Variants in ZFAND3 observed in about 807,000 individuals in gnomAD.
ZFAND3 encodes the protein AN1-type zinc finger protein 3.
ZFAND3 carries 10 observed loss-of-function variants against 29.6 expected under a neutral mutation model. The observed-to-expected ratio is 0.34, with a 90% CI of 0.21 to 0.57. The LOEUF is 0.57. Ranked by LOEUF, ZFAND3 falls within the 20% of genes least tolerant of loss-of-function variation. ZFAND3 has a pLI of 0.86. For synonymous variants in ZFAND3, 128 were observed against 112.6 expected, an observed-to-expected ratio of 1.14 and a Z score of -0.87; for missense variants, 230 against 304.5, an observed-to-expected ratio of 0.76 and a Z score of 1.82.
At chr6:37,988,082 T>TA (rs949548109) in intron 2 of ZFAND3, among the ~76,000 whole-genome samples, 28 of 152,324 alleles carry the variant, frequency 1.8e-4, no homozygotes, top group African/African-American at 6.5e-4. Context: ...TTAAATTTTT[T>TA]AAAAAAAGTT....
intron 5 of ZFAND3, chr6:38,142,162 C>T: frequency 2.1e-6 from 1 of 470,806 alleles, no homozygotes; most frequent in South Asian, 1.5e-5. Flanking sequence ...AGGTCTCTCC[C>T]TACCCCAGTT....
At chr6:38,056,581 G>C (rs1284655963) in intron 2 of ZFAND3, among the ~76,000 whole-genome samples, 2 of 152,066 alleles carry the variant, frequency 1.3e-5, no homozygotes, top group Non-Finnish European at 2.9e-5. Context: ...CCAGGTTAAT[G>C]GGCTTGTGAA....
chr6:37,964,358 G>A (rs1167235177), intron 2 of ZFAND3, among the ~76,000 whole-genome samples: 1 of 152,162 alleles, frequency 6.6e-6, no homozygotes, highest in East Asian at 1.9e-4. Flanking sequence ...TGTGGCTCTT[G>A]GGGAAAATGT....
chr6:37,890,178 T>G (rs908803746), intron 1 of ZFAND3, among the ~76,000 whole-genome samples: 1 of 152,254 alleles, frequency 6.6e-6, no homozygotes, highest in African/African-American at 2.4e-5. Context: ...GCTGGAATAT[T>G]CTGAAATTAA....
chr6:37,852,733 A>T lies in ZFAND3; in HGVS notation c.71+32717A>T, dbSNP rs571528526. 6.3e-3 allele frequency among the ~76,000 whole-genome samples: 747 copies of T among 119,222 alleles called. 53 individuals carry two copies. The East Asian group carries it at 0.13, about 21-fold the overall frequency. 78.2% of individuals were successfully genotyped at this position (119,222 alleles called of 152,430 possible). ...TTTTCTTTTCTTTTTTTTTTTTTTT[A>T]AAGACAGAGTCTTGTTCTGTTGCCC... On this transcript the variant is annotated intron_variant, in intron 1 of 5. Transcript: ENST00000287218.
chr6:38,079,694 G>C (rs1432894240), intron 3 of ZFAND3, among the ~76,000 whole-genome samples: 1 of 152,148 alleles, frequency 6.6e-6, no homozygotes. Context: ...TGCAGCTCAT[G>C]GTGTTATGGG....
At chr6:37,820,707 A>G (rs1743095552) in intron 1 of ZFAND3, among the ~76,000 whole-genome samples, 1 of 152,356 alleles carries the variant, frequency 6.6e-6, no homozygotes, top group Non-Finnish European at 1.5e-5. Context: ...ATTGGGGAAT[A>G]TGAGATCCAG....
At chr6:37,884,935 A>T (rs1456001394) in intron 1 of ZFAND3, among the ~76,000 whole-genome samples, 1 of 152,190 alleles carries the variant, frequency 6.6e-6, no homozygotes, top group East Asian at 1.9e-4. Flanking sequence ...CCACCTTCAA[A>T]TTCCATTTCT....
chr6:38,116,582 T>G lies in ZFAND3; in HGVS notation c.372T>G (p.Ser124=), dbSNP rs777619972. 1 of 1,611,462 alleles carries G rather than the reference T, an allele frequency of 6.2e-7. No individual in the cohort carries two copies. Among genetic ancestry groups the G allele is most frequent in the Non-Finnish European group, 8.5e-7 (1 of 1,177,912 alleles). The change falls in exon 5 of 6, where the codon TCT becomes TCG. Residue 124 remains serine, a synonymous_variant. Transcript: ENST00000287218. The stretch of plus-strand genomic sequence containing the variant: ...TGTTGTTTTGGTCAGATTCACAGTC[T>G]GAGAATGAGGCTTCACCAGTAAAAC... ...TKRSCGTDSQ[S]ENEASPVKRP... is the part of the protein sequence containing the mutation.
At chr6:37,984,565 A>G (rs1286893517) in intron 2 of ZFAND3, among the ~76,000 whole-genome samples, 1 of 152,210 alleles carries the variant, frequency 6.6e-6, no homozygotes, top group Admixed American at 6.5e-5. Flanking sequence ...CTTTCTGAAA[A>G]CATTTAAATT....
At chr6:38,130,337 T>C (rs1765718994) in intron 5 of ZFAND3, among the ~76,000 whole-genome samples, 2 of 152,224 alleles carry the variant, frequency 1.3e-5, no homozygotes, top group Admixed American at 1.3e-4. Flanking sequence ...GGCTAGGACT[T>C]CCAGTACTAT....
intron 1 of ZFAND3, among the ~76,000 whole-genome samples, chr6:37,890,326 T>C (rs1213139075): frequency 6.6e-6 from 1 of 151,858 alleles, no homozygotes; most frequent in East Asian, 1.9e-4. Flanking sequence ...GATGCTTACA[T>C]GAGTGATCCC....
intron 5 of ZFAND3, among the ~76,000 whole-genome samples, chr6:38,151,044 A>G (rs1035059116): frequency 5.3e-5 from 8 of 152,164 alleles, no homozygotes; most frequent in Non-Finnish European, 8.8e-5. Context: ...CAGCGTTTTG[A>G]AAGAGGCGGC....
intron 2 of ZFAND3, among the ~76,000 whole-genome samples, chr6:37,966,928 G>T (rs1762302867): frequency 6.6e-6 from 1 of 152,016 alleles, no homozygotes; most frequent in Non-Finnish European, 1.5e-5. Flanking sequence ...TCCTTGATTT[G>T]ATTTTATCTG....
At chr6:37,868,716 C>T (rs1322002092) in intron 1 of ZFAND3, among the ~76,000 whole-genome samples, 2 of 152,164 alleles carry the variant, frequency 1.3e-5, no homozygotes, top group East Asian at 1.9e-4. Flanking sequence ...CTGTGATAAA[C>T]GTCACTTGGT....
chr6:37,872,625 G>A (rs562368731), intron 1 of ZFAND3, among the ~76,000 whole-genome samples: 2 of 151,978 alleles, frequency 1.3e-5, no homozygotes, highest in Non-Finnish European at 2.9e-5. Flanking sequence ...TGAAATTTAC[G>A]TAAATGATAT....
intron 1 of ZFAND3, among the ~76,000 whole-genome samples, chr6:37,919,303 T>C (rs889698435): frequency 5.3e-5 from 8 of 152,196 alleles, no homozygotes; most frequent in Non-Finnish European, 1.0e-4. Flanking sequence ...TGCACATGCA[T>C]ATTTAAAGGT....
intron 2 of ZFAND3, among the ~76,000 whole-genome samples, chr6:37,956,558 A>G: frequency 6.6e-6 from 1 of 152,256 alleles, no homozygotes; most frequent in East Asian, 1.9e-4. Flanking sequence ...AAATGGCATC[A>G]AGTGAGGTAG....
intron 1 of ZFAND3, among the ~76,000 whole-genome samples, chr6:37,891,767 C>T (rs992592834): frequency 2.6e-5 from 4 of 152,074 alleles, no homozygotes; most frequent in African/African-American, 4.8e-5. Flanking sequence ...CTCGCTCTGT[C>T]GCTTAGGCTG....
Sources: allele counts gnomAD v4.1 joint callset (sites outside exome capture counted in the v4.1 genomes callset), GRCh38; gene constraint gnomAD v4.1.1; transcripts MANE v1.5; gene names NCBI Gene and HGNC (gene_info 2026-07-23, HGNC 2026-07-21).